SBF2: variants seen among roughly 807,000 people sequenced by gnomAD.
SBF2 encodes SET binding factor 2.
In SBF2, 112 loss-of-function variants were observed where a neutral mutation model predicts 225.2. The ratio of observed to expected loss-of-function variants is 0.50; its 90% CI spans 0.43 to 0.58. SBF2 has a LOEUF of 0.58. Ranked by LOEUF, SBF2 falls within the 20% of genes least tolerant of loss-of-function variation. SBF2 has a pLI of 0.00. For missense variants in SBF2, 1,996 were observed against 2,206.2 expected (o/e 0.90, Z 1.91); for synonymous variants, 763 against 773.3 (o/e 0.99, Z 0.22).
intron 2 of SBF2, among the ~76,000 whole-genome samples, chr11:10,107,826 G>GT (rs1343116476): frequency 6.6e-6 from 1 of 152,042 alleles, no homozygotes; most frequent in Non-Finnish European, 1.5e-5. Context: ...TGCAAAGATG[G>GT]TTTTTTTCCA....
At chr11:10,042,686 T>C (rs966972868) in intron 3 of SBF2, among the ~76,000 whole-genome samples, 158 bp downstream of exon 3, 26 of 152,234 alleles carry the variant, frequency 1.7e-4, no homozygotes, top group African/African-American at 6.3e-4. Context: ...TTTTAACATG[T>C]TGCTCTCCTC....
chr11:10,131,992 C>T (rs952578162), intron 2 of SBF2, among the ~76,000 whole-genome samples: 11 of 152,056 alleles, frequency 7.2e-5, no homozygotes, highest in Admixed American at 4.6e-4. Flanking sequence ...ACATTTTAAA[C>T]TTCAGTCTAT....
chr11:10,296,765 A>G (rs1964553145), upstream of SBF2, among the ~76,000 whole-genome samples: 1 of 152,172 alleles, frequency 6.6e-6, no homozygotes, highest in African/African-American at 2.4e-5. Flanking sequence ...TTACTGGATT[A>G]AGTAGTTCTG....
Position 10,207,090 on chromosome 11 carries a change from G to A in SBF2, c.56-13103C>T, listed in dbSNP as rs548624146. On this transcript the variant is annotated intron_variant, in intron 1 of 39. Coordinates refer to ENST00000256190, the MANE Select transcript of SBF2 (RefSeq NM_030962.4). ...AATTAAAAACAAAGAAGTCTTGAAA[G>A]AAGCCAGAGAGAAACATTTTACCTA... 6.6e-5 allele frequency among the ~76,000 whole-genome samples: 10 copies of A among 152,148 alleles called. No homozygotes were observed. The South Asian group carries it at 2.1e-3, about 32-fold the overall frequency.
At chr11:9,970,120 C>T (rs1565076257) in intron 13 of SBF2, among the ~76,000 whole-genome samples, 1 of 152,148 alleles carries the variant, frequency 6.6e-6, no homozygotes, top group Non-Finnish European at 1.5e-5. Flanking sequence ...AATTCTAACA[C>T]TTATTCTTTG....
chr11:9,962,217 T>C, intron 15 of SBF2, 111 bp from the exon 16 acceptor site: 1 of 939,204 alleles, frequency 1.1e-6, no homozygotes, highest in Non-Finnish European at 1.7e-6. Context: ...TTAACATAGT[T>C]ATTAGTAAAA....
intron 16 of SBF2, among the ~76,000 whole-genome samples, chr11:9,919,704 C>T (rs563890351): frequency 1.3e-5 from 2 of 152,218 alleles, no homozygotes; most frequent in African/African-American, 4.8e-5. Context: ...GGGCTGTCTG[C>T]TTGTGGATTT....
intron 1 of SBF2, among the ~76,000 whole-genome samples, chr11:10,212,924 C>T (rs1957988407): frequency 6.6e-6 from 1 of 152,102 alleles, no homozygotes; most frequent in South Asian, 2.1e-4. Context: ...TGGTGCACGC[C>T]TGTAGTCCCA....
At chr11:10,011,314 C>A (rs537672323) in intron 6 of SBF2, among the ~76,000 whole-genome samples, 1 of 152,240 alleles carries the variant, frequency 6.6e-6, no homozygotes, top group African/African-American at 2.4e-5. Context: ...GCAACCTCTG[C>A]CTCCCAGGTT....
intron 17 of SBF2, among the ~76,000 whole-genome samples, chr11:9,867,206 T>C (rs1858296765): frequency 6.6e-6 from 1 of 152,202 alleles, no homozygotes; most frequent in African/African-American, 2.4e-5. Flanking sequence ...GATTATTACA[T>C]AATGCATGCT....
chr11:10,225,875 A>T (rs777296815), intron 1 of SBF2, among the ~76,000 whole-genome samples: 4 of 152,184 alleles, frequency 2.6e-5, no homozygotes, highest in Non-Finnish European at 5.9e-5. Context: ...AAGCACTCAT[A>T]TACCCCACAG....
intron 9 of SBF2, among the ~76,000 whole-genome samples, chr11:9,997,729 G>A (rs1375753260): frequency 6.6e-6 from 1 of 152,220 alleles, no homozygotes; most frequent in East Asian, 1.9e-4. Flanking sequence ...AGTGAGCCCA[G>A]ATCGTGCCAC....
chr11:9,924,223 A>C (rs1296598062), intron 16 of SBF2, among the ~76,000 whole-genome samples: 3 of 152,186 alleles, frequency 2.0e-5, no homozygotes, highest in Non-Finnish European at 4.4e-5. Flanking sequence ...CTATACCTCG[A>C]GTACCCACAC....
intron 2 of SBF2, among the ~76,000 whole-genome samples, chr11:10,075,597 A>G (rs1006874910): frequency 2.0e-5 from 3 of 152,166 alleles, no homozygotes; most frequent in Admixed American, 6.6e-5. Context: ...AAAAGTGTAT[A>G]GCACTTTCCC....
At chr11:10,214,790 T>A (rs1035180537) in intron 1 of SBF2, among the ~76,000 whole-genome samples, 11 of 152,290 alleles carry the variant, frequency 7.2e-5, no homozygotes, top group African/African-American at 2.6e-4. Context: ...CAGTGACCCT[T>A]CTAGATTCCC....
chr11:9,925,029 G>C (rs957738324), intron 16 of SBF2, among the ~76,000 whole-genome samples: 1 of 152,088 alleles, frequency 6.6e-6, no homozygotes, highest in Admixed American at 6.5e-5. Flanking sequence ...AATTACAGGC[G>C]TGAGCCACCG....
intron 38 of SBF2, among the ~76,000 whole-genome samples, chr11:9,781,850 T>C (rs965877159): frequency 6.6e-6 from 1 of 152,228 alleles, no homozygotes; most frequent in African/African-American, 2.4e-5. Context: ...ACTTATGTAC[T>C]GTTTGAAAAT....
intron 2 of SBF2, among the ~76,000 whole-genome samples, chr11:10,094,502 A>T (rs10770089): frequency 0.45 from 65,210 of 144,816 alleles, 15,078 homozygotes; most frequent in Admixed American, 0.55. Flanking sequence ...CAAAAAAATT[A>T]TTTTCCCTAC....
At chr11:10,265,874 T>TGC (rs1189755961) in intron 1 of SBF2, among the ~76,000 whole-genome samples, 1,783 of 118,666 alleles carry the variant, frequency 0.015, 39 homozygotes, top group African/African-American at 0.047. Flanking sequence ...TGTGTGTGTG[T>TGC]GCGCGCGCGC....
Sources: allele counts gnomAD v4.1 joint callset (sites outside exome capture counted in the v4.1 genomes callset), GRCh38; gene constraint gnomAD v4.1.1; transcripts MANE v1.5; gene names NCBI Gene and HGNC (gene_info 2026-07-23, HGNC 2026-07-21).